ACSM4: variants seen among roughly 807,000 people sequenced by gnomAD.
The protein encoded by ACSM4 is acyl-coenzyme A synthetase ACSM4, mitochondrial.
A neutral mutation model predicts 73.0 loss-of-function variants in ACSM4; 66 were observed. The ratio of observed to expected loss-of-function variants is 0.90; its 90% CI spans 0.74 to 1.11. The LOEUF is 1.11. Among genes scored for constraint, ACSM4 ranks in the 50% least tolerant of loss-of-function variants. ACSM4 has a pLI of 0.00. For synonymous variants in ACSM4, 222 were observed against 254.0 expected (o/e 0.87, Z 1.20); for missense variants, 645 against 714.4 (o/e 0.90, Z 1.11).
chr12:7,327,976 C>T (rs1025796003), intron 12 of ACSM4, among the ~76,000 whole-genome samples: 1 of 152,124 alleles, frequency 6.6e-6, no homozygotes, highest in African/African-American at 2.4e-5. Flanking sequence ...TAGCTGTAAT[C>T]TCCATTTCTC....
chr12:7,308,394 G>A (rs1170465850), intron 2 of ACSM4, among the ~76,000 whole-genome samples: 2 of 152,140 alleles, frequency 1.3e-5, no homozygotes, highest in Non-Finnish European at 2.9e-5. Context: ...AAGGAGGTGA[G>A]ATTATATTTT....
chr12:7,324,566 G>C lies in ACSM4; in HGVS notation c.1504G>C (p.Val502Leu). 1 of 1,613,988 alleles carries C rather than the reference G, an allele frequency of 6.2e-7. No individual in the cohort carries two copies. The highest frequency in any genetic ancestry group is 8.5e-7 in the Non-Finnish European group (1 of 1,179,860). ...GCATCCAGCAGTTGTTGAATCGGCT[G>C]TTGTCAGTAGTCCAGATCAAATCCG... The part of the protein sequence containing the change: ...IEHPAVVESA[V>L]VSSPDQIRGE... Residue 502 changes from valine (V) to leucine (L), a missense_variant, in exon 11 of 13, where the codon GTT becomes CTT. Val to Leu is a conservative substitution (Grantham distance 32). Coordinates refer to ENST00000399422, the MANE Select transcript of ACSM4 (RefSeq NM_001080454.2).
rs1946350830 is a variant in ACSM4 at position 7,304,482 on chromosome 12, A to C, written c.151A>C (p.Asn51His). 1.9e-6 allele frequency: 3 copies of C among 1,613,958 alleles called. No homozygotes were observed. The highest frequency in any genetic ancestry group is 2.5e-6 in the Non-Finnish European group (3 of 1,179,868). ...INRCNRPLPK[N>H]FNFAADVLDQ... ...TCGCTGTAACAGGCCATTGCCTAAA[A>C]ACTTTAACTTTGCTGCAGATGTGCT... The change falls in exon 1 of 13, where the codon AAC becomes CAC. Residue 51 changes from asparagine (N) to histidine (H), a missense_variant. Coordinates refer to ENST00000399422, the MANE Select transcript of ACSM4 (RefSeq NM_001080454.2).
At position 7,306,638 on chromosome 12, in the gene ACSM4, A is replaced by T; in HGVS notation, c.307A>T (p.Asn103Tyr). ...GGGCTCCTTGTCCCGAAAAGCTGCC[A>T]ACGTGCTCACCAAGCCCTGTGGCCT... Reference protein sequence around the residue: ...ELGSLSRKAANVLTKPCGLQR... With the variant: ...ELGSLSRKAAYVLTKPCGLQR... The change falls in exon 2 of 13, where the codon AAC (asparagine) becomes TAC (tyrosine). Residue 103 changes from asparagine to tyrosine, a missense_variant. Physicochemically the swap from Asn to Tyr is moderately radical, Grantham distance 143 (BLOSUM62 -2). Coordinates refer to ENST00000399422, the MANE Select transcript of ACSM4 (RefSeq NM_001080454.2). 1 of 1,608,340 alleles carries T rather than the reference A, an allele frequency of 6.2e-7. No homozygotes were observed. Among genetic ancestry groups the T allele is most frequent in the Non-Finnish European group, 8.5e-7 (1 of 1,177,490 alleles).
At position 7,306,562 on chromosome 12, in the gene ACSM4, G is replaced by A; in HGVS notation, c.231G>A (p.Leu77=). 1.2e-6 allele frequency: 2 copies of A among 1,600,116 alleles called. No individual in the cohort carries two copies. The highest frequency in any genetic ancestry group is 1.3e-5 in the African/African-American group (1 of 74,796). Reference sequence around the variant, plus strand: ...GGGAGAGACCAGCTAACCCAGCCCTGTGGTGGGTGAATGGCAAAGGGGATG... The same window carrying A: ...GGGAGAGACCAGCTAACCCAGCCCTATGGTGGGTGAATGGCAAAGGGGATG... ...KTGERPANPA[L]WWVNGKGDEV... The change falls in exon 2 of 13, where the codon CTG becomes CTA. Residue 77 remains leucine, a synonymous_variant. Transcript: ENST00000399422.
Position 7,307,161 on chromosome 12 carries a change from G to A in ACSM4, c.412+418G>A, listed in dbSNP as rs957387753. On this transcript the variant is annotated intron_variant, in intron 2 of 12. Transcript: ENST00000399422. ...CCCAGCTACTCGGGAGGCTGAGGCA[G>A]GAGAATCGCGTGAACCCGGGAGGTG... is the stretch of plus-strand genomic sequence containing the variant. Among the ~76,000 whole-genome samples, 3 of 152,190 alleles carry A rather than the reference G, an allele frequency of 2.0e-5. No homozygotes were observed. In the East Asian group the frequency reaches 5.8e-4, roughly 29 times the overall value.
Position 7,323,852 on chromosome 12 carries a change from GTATTT to G in ACSM4, c.1308+296_1308+300del, listed in dbSNP as rs767483434. 2.0e-5 allele frequency among the ~76,000 whole-genome samples: 3 copies of G among 152,084 alleles called. No homozygotes were observed. In the East Asian group the frequency reaches 5.8e-4, roughly 29 times the overall value. On this transcript the variant is annotated intron_variant, in intron 9 of 12. Coordinates refer to ENST00000399422, the MANE Select transcript of ACSM4 (RefSeq NM_001080454.2). ...TTTATTATACTCTTTATGACCTTTT[GTATTT>G]TATATTACAAACTATCTTTTAAAAA...
chr12:7,309,713 C>T (rs546141046), intron 2 of ACSM4, among the ~76,000 whole-genome samples: 90 of 152,058 alleles, frequency 5.9e-4, no homozygotes, highest in Non-Finnish European at 1.1e-3. Flanking sequence ...AATAATTTTT[C>T]GAATTTCTAT....
intron 11 of ACSM4, among the ~76,000 whole-genome samples, chr12:7,325,145 G>A (rs1265183580): frequency 1.3e-5 from 2 of 152,206 alleles, no homozygotes; most frequent in African/African-American, 4.8e-5. Context: ...ACTGGTACAT[G>A]CTGATCGGTC....
chr12:7,312,041 CAT>C (rs1946393951), intron 3 of ACSM4, among the ~76,000 whole-genome samples: 1 of 152,198 alleles, frequency 6.6e-6, no homozygotes, highest in African/African-American at 2.4e-5. Context: ...TCATTTTTCA[CAT>C]GTTGTCTATG....
chr12:7,328,128 TA>T (rs1946523544), intron 12 of ACSM4, among the ~76,000 whole-genome samples, 158 bp from the exon 13 acceptor site: 1 of 152,152 alleles, frequency 6.6e-6, no homozygotes, highest in South Asian at 2.1e-4. Flanking sequence ...CCTTCCTACA[TA>T]AACAGACGTT....
rs1179920454 is a variant in ACSM4, at chr12:7,328,449, T to TCTTA, written c.*76_*77insCTTA. 59 of 1,144,924 alleles carry TCTTA rather than the reference T, an allele frequency of 5.2e-5. No individual in the cohort carries two copies. The highest frequency in any genetic ancestry group is 6.8e-5 in the Non-Finnish European group (57 of 835,284). 70.9% of individuals were successfully genotyped at this position (1,144,924 alleles called of 1,614,324 possible). A position where few individuals can be genotyped will look rare whatever the true frequency, so the allele number is the denominator to read the frequency against. On this transcript the variant is annotated 3_prime_UTR_variant, in exon 13 of 13. Coordinates refer to ENST00000399422, the MANE Select transcript of ACSM4 (RefSeq NM_001080454.2). The stretch of plus-strand genomic sequence containing the variant: ...GTATTTGTTCCGATAATTCAGCGAC[T>TCTTA]ACTCTCTTAAAATGTTTAAGATCTT...
chr12:7,311,600 C>G (rs1439611045), intron 3 of ACSM4, among the ~76,000 whole-genome samples: 2 of 152,232 alleles, frequency 1.3e-5, no homozygotes, highest in Non-Finnish European at 2.9e-5. Context: ...CATCCATTCC[C>G]TTATGTAGAG....
intron 7 of ACSM4, 129 bp from the exon 8 acceptor site, chr12:7,323,105 A>T: frequency 1.2e-6 from 1 of 803,054 alleles, no homozygotes; most frequent in Non-Finnish European, 2.0e-6. Flanking sequence ...GGTTTCAAAT[A>T]ATATATTTCA....
At chr12:7,319,700 C>G (rs994392792) in intron 5 of ACSM4, among the ~76,000 whole-genome samples, 2 of 152,070 alleles carry the variant, frequency 1.3e-5, no homozygotes, top group Non-Finnish European at 2.9e-5. Context: ...AGAAACCAGT[C>G]TGTCCTTTGG....
Position 7,304,420 on chromosome 12 carries a change from G to C in ACSM4, c.89G>C (p.Trp30Ser). 6.2e-7 allele frequency: 1 copy of C among 1,613,976 alleles called. No individual in the cohort carries two copies. Among genetic ancestry groups the C allele is most frequent in the Non-Finnish European group, 8.5e-7 (1 of 1,179,856 alleles). ...GRRLHKDHQL[W>S]TPLTLADFEA... ...CGCTTACACAAAGATCACCAGCTTTGGACGCCTCTGACTCTTGCTGACTTT... is the reference window on the plus strand; with the variant it reads ...CGCTTACACAAAGATCACCAGCTTTCGACGCCTCTGACTCTTGCTGACTTT... The change falls in exon 1 of 13, where the codon TGG becomes TCG. Residue 30 changes from tryptophan (W) to serine (S), a missense_variant. Trp to Ser is a radical substitution (Grantham distance 177). Transcript: ENST00000399422.
At chr12:7,324,155 C>CAAA in intron 9 of ACSM4, 118 bp from the exon 10 acceptor site, 25 of 1,002,006 alleles carry the variant, frequency 2.5e-5, no homozygotes, top group Non-Finnish European at 2.7e-5. Flanking sequence ...GACTCTGTCT[C>CAAA]AAAAAAAAAA....
intron 2 of ACSM4, among the ~76,000 whole-genome samples, chr12:7,308,181 A>G (rs1946371694): frequency 6.6e-6 from 1 of 152,226 alleles, no homozygotes; most frequent in Non-Finnish European, 1.5e-5. Flanking sequence ...AGCATTATAT[A>G]AAATTCGTTT....
At chr12:7,320,033 C>G (rs1237694957) in intron 5 of ACSM4, among the ~76,000 whole-genome samples, 5 of 152,124 alleles carry the variant, frequency 3.3e-5, no homozygotes, top group Non-Finnish European at 7.4e-5. Context: ...CTGTGACAAT[C>G]CAGGCAGCCC....
Sources: gnomAD v4.1 joint callset for allele counts (sites outside exome capture counted in the v4.1 genomes callset) on GRCh38, gnomAD v4.1.1 for gene constraint, MANE v1.5 for transcripts, NCBI Gene and HGNC (gene_info 2026-07-23, HGNC 2026-07-21) for gene names.